Variants in ZFX observed in about 807,000 individuals in gnomAD.
The protein encoded by ZFX is zinc finger X-chromosomal protein.
For synonymous variants in ZFX, 196 were observed against 226.8 expected, an observed-to-expected ratio of 0.86 and a Z score of 1.22; for missense variants, 362 against 628.3, an observed-to-expected ratio of 0.58 and a Z score of 4.53.
intron 5 of ZFX, among the ~76,000 whole-genome samples, chrX:24,193,599 A>G (rs1421978364): frequency 8.9e-6 from 1 of 111,879 alleles, no homozygotes; most frequent in African/African-American, 3.3e-5. Context: ...ATAAAAGCCA[A>G]ATGGGCCAAG....
At chrX:24,179,886 C>G in intron 5 of ZFX, 116 bp downstream of exon 5, 2 of 667,026 alleles carry the variant, frequency 3.0e-6, no homozygotes, top group Non-Finnish European at 4.5e-6. Context: ...TCTCATAGAC[C>G]TACCTGCATT....
At chrX:24,180,038 G>A (rs7892342) in intron 5 of ZFX, among the ~76,000 whole-genome samples, 3 of 109,708 alleles carry the variant, frequency 2.7e-5, no homozygotes, top group Non-Finnish European at 1.9e-5. Context: ...GACCAGCCTG[G>A]CCAACCAACA....
chrX:24,203,389 T>A (rs1273705303), intron 5 of ZFX, among the ~76,000 whole-genome samples: 1 of 112,275 alleles, frequency 8.9e-6, no homozygotes, highest in Non-Finnish European at 1.9e-5. Flanking sequence ...CACTGCTCCG[T>A]GTGAAAGTCT....
At chrX:24,162,855 C>T (rs187269504) in intron 3 of ZFX, among the ~76,000 whole-genome samples, 15 of 111,237 alleles carry the variant, frequency 1.3e-4, no homozygotes, top group Non-Finnish European at 9.4e-5. Flanking sequence ...CTCCTCTCCC[C>T]GCTTCCTTCA....
intron 3 of ZFX, among the ~76,000 whole-genome samples, chrX:24,163,093 G>T (rs1365044023): frequency 9.2e-6 from 1 of 108,610 alleles, no homozygotes; most frequent in Non-Finnish European, 1.9e-5. Context: ...TCAAAAGTAG[G>T]CGTTCAGTTT....
At chrX:24,156,138 C>G (rs139461400) in intron 3 of ZFX, among the ~76,000 whole-genome samples, 1 of 112,021 alleles carries the variant, frequency 8.9e-6, no homozygotes, top group South Asian at 3.7e-4. Context: ...CTCAAGTGAT[C>G]GGCCCTCCTT....
intron 5 of ZFX, among the ~76,000 whole-genome samples, chrX:24,201,345 A>G (rs1474278998): frequency 8.9e-6 from 1 of 112,890 alleles, no homozygotes; most frequent in Non-Finnish European, 1.9e-5. Context: ...AAGCAAACAA[A>G]GGGCTTTTAC....
intron 3 of ZFX, among the ~76,000 whole-genome samples, chrX:24,159,513 C>T (rs1159609327): frequency 9.0e-6 from 1 of 110,870 alleles, no homozygotes; most frequent in Non-Finnish European, 1.9e-5. Context: ...TCTCTCTTGT[C>T]GCCCAGGCTG....
At chrX:24,150,244 A>AG (rs1301365656) in intron 1 of ZFX, 1 of 13,623 alleles carries the variant, frequency 7.3e-5, no homozygotes, top group African/African-American at 3.0e-4. Context: ...GGGACGATAG[A>AG]GGGGGTTGCC....
intron 3 of ZFX, among the ~76,000 whole-genome samples, chrX:24,163,220 G>GGTGT (rs57212971): frequency 2.6e-3 from 227 of 86,422 alleles, no homozygotes; most frequent in East Asian, 0.015. Context: ...CAAGGTCTGT[G>GGTGT]GTGTGTGTGT....
At chrX:24,173,755 A>ATT (rs748379061) in intron 4 of ZFX, 751 of 360,312 alleles carry the variant, frequency 2.1e-3, no homozygotes, top group Admixed American at 2.3e-3. Context: ...TAACTTTTGT[A>ATT]TTTTTTTTTT....
At position 24,214,283 on chromosome X, in the gene ZFX, C is replaced by T. The variant is rs1938316986; in HGVS notation, c.*2907C>T. 1 of 111,811 alleles carries T rather than the reference C, an allele frequency of 8.9e-6. No individual in the cohort carries two copies. The highest frequency in any genetic ancestry group is 3.3e-5 in the African/African-American group (1 of 30,693). 9.2% of individuals were successfully genotyped at this position (111,811 alleles called of 1,213,427 possible). ...TATTAAATATTGTATGTCCCTCCCT[C>T]TGTACACTTTGTAAAGAAAGTAAAA... On this transcript the variant is annotated 3_prime_UTR_variant, in exon 10 of 10. Coordinates refer to ENST00000304543, the MANE Select transcript of ZFX (RefSeq NM_003410.4).
At chrX:24,188,484 G>A (rs1030889869) in intron 5 of ZFX, among the ~76,000 whole-genome samples, 1 of 111,433 alleles carries the variant, frequency 9.0e-6, no homozygotes, top group African/African-American at 3.3e-5. Context: ...GGCTGAGGAG[G>A]GAAGAAAGGC....
chrX:24,179,834 CA>C (rs1240421433), intron 5 of ZFX, 64 bp downstream of exon 5: 12 of 1,011,146 alleles, frequency 1.2e-5, no homozygotes, highest in Non-Finnish European at 1.6e-5. Flanking sequence ...TAATTTACAT[CA>C]GGGGTGAAAT....
Position 24,210,308 on chromosome X carries a change from C to T in ZFX, c.1350C>T (p.His450=). The change falls in exon 10 of 10, where the codon CAC becomes CAT. Residue 450 remains histidine, a synonymous_variant. Transcript: ENST00000304543. ...LKRHMKNHPE[H]LAKKKYRCTD... ...GGCACATGAAAAACCATCCCGAACA[C>T]CTTGCCAAGAAGAAATACCGCTGTA... The T allele has an allele frequency of 9.1e-6, 11 of 1,211,737 alleles. No homozygotes were observed. In the South Asian group the frequency reaches 1.8e-4, roughly 19 times the overall value.
At chrX:24,177,801 G>A in intron 4 of ZFX, 1 of 754,157 alleles carries the variant, frequency 1.3e-6, no homozygotes, top group Non-Finnish European at 1.6e-6. Flanking sequence ...AGAAGTAAAA[G>A]AAACACATGG....
chrX:24,194,150 T>G (rs765914704), intron 5 of ZFX, among the ~76,000 whole-genome samples: 1 of 111,721 alleles, frequency 9.0e-6, no homozygotes, highest in South Asian at 3.8e-4. Context: ...AGAATTTCCT[T>G]CCTTTTTAAG....
chrX:24,162,188 A>G (rs991470472), intron 3 of ZFX, among the ~76,000 whole-genome samples: 1 of 111,703 alleles, frequency 9.0e-6, no homozygotes, highest in African/African-American at 3.3e-5. Flanking sequence ...AGATCGTGCC[A>G]TTGCACTCCA....
intron 5 of ZFX, among the ~76,000 whole-genome samples, chrX:24,194,002 T>C (rs1007595504): frequency 9.0e-6 from 1 of 111,253 alleles, no homozygotes; most frequent in Non-Finnish European, 1.9e-5. Context: ...CAGCCACCCT[T>C]TTACTTTCTG....
Sources: gnomAD v4.1 joint callset for allele counts (sites outside exome capture counted in the v4.1 genomes callset) on GRCh38, gnomAD v4.1.1 for gene constraint, MANE v1.5 for transcripts, NCBI Gene and HGNC (gene_info 2026-07-23, HGNC 2026-07-21) for gene names.